The following RNF182 variants were observed in gnomAD, a reference collection of about 807,000 sequenced individuals.
The protein encoded by RNF182 is ring finger protein 182, also known as E3 ubiquitin-protein ligase RNF182.
RNF182 carries 15 observed loss-of-function variants against 14.4 expected under a neutral mutation model. The observed-to-expected ratio is 1.04, with a 90% CI of 0.70 to 1.60. The LOEUF (loss-of-function observed/expected upper bound fraction) is 1.60, where lower values mean the gene tolerates loss of function less well. Among genes scored for constraint, RNF182 ranks in the 40% most tolerant of loss-of-function variants. The pLI, the probability that RNF182 is intolerant of heterozygous loss-of-function variation, is 0.00. For synonymous variants in RNF182, 128 were observed against 122.9 expected (o/e 1.04, Z -0.27); for missense variants, 268 against 294.8 (o/e 0.91, Z 0.67).
intron 1 of RNF182, among the ~76,000 whole-genome samples, chr6:13,935,897 G>C (rs1287666573): frequency 1.3e-5 from 2 of 152,222 alleles, no homozygotes; most frequent in Admixed American, 1.3e-4. Context: ...AACTACTTGA[G>C]AGTGGGTAAT....
intron 1 of RNF182, among the ~76,000 whole-genome samples, chr6:13,931,278 G>T (rs1245072104): frequency 2.0e-5 from 3 of 152,176 alleles, no homozygotes; most frequent in African/African-American, 7.2e-5. Flanking sequence ...GATTGGAAAT[G>T]AACAAGGACA....
intron 1 of RNF182, among the ~76,000 whole-genome samples, chr6:13,960,610 A>G (rs1252863887): frequency 1.3e-5 from 2 of 151,568 alleles, no homozygotes; most frequent in Non-Finnish European, 2.9e-5. Context: ...ATTTTCAGCC[A>G]TGGCTTTGGG....
chr6:13,952,196 C>T (rs1759612538), intron 1 of RNF182, among the ~76,000 whole-genome samples: 1 of 152,146 alleles, frequency 6.6e-6, no homozygotes, highest in African/African-American at 2.4e-5. Context: ...GAAAGACCCA[C>T]CCAGTGCAGC....
rs1760455254 is a variant in RNF182 at position 13,980,120 on chromosome 6, CT to C, written c.*2260del. On this transcript the variant is annotated 3_prime_UTR_variant, in exon 3 of 3. Coordinates refer to ENST00000488300, the MANE Select transcript of RNF182 (RefSeq NM_152737.4). ...TCAGAAACGTTGGTTCAGCTAATGC[CT>C]TTATCATGCCCGTGAAGACTTCAGA... The C allele has an allele frequency of 6.6e-6, 1 of 152,610 alleles. No individual in the cohort carries two copies. Among genetic ancestry groups the C allele is most frequent in the African/African-American group, 2.4e-5 (1 of 41,416 alleles). The allele number at this position is 152,610 out of a possible 1,614,324, so 9.5% of individuals were successfully genotyped here. A position where few individuals can be genotyped will look rare whatever the true frequency, so the allele number is the denominator to read the frequency against.
intron 1 of RNF182, among the ~76,000 whole-genome samples, chr6:13,953,199 T>A (rs1759639321): frequency 6.6e-6 from 1 of 152,178 alleles, no homozygotes; most frequent in African/African-American, 2.4e-5. Context: ...ATGCAGCCAG[T>A]AGGTCTCAGC....
At chr6:13,927,405 CT>C (rs1758856811) in intron 1 of RNF182, among the ~76,000 whole-genome samples, 1 of 152,184 alleles carries the variant, frequency 6.6e-6, no homozygotes, top group African/African-American at 2.4e-5. Flanking sequence ...AGTCATCACT[CT>C]TGCTGATTCA....
chr6:13,974,629 A>C (rs1760278191), intron 2 of RNF182, among the ~76,000 whole-genome samples: 1 of 152,062 alleles, frequency 6.6e-6, no homozygotes, highest in African/African-American at 2.4e-5. Context: ...TGTTACTGCT[A>C]CTCTTCTAAT....
At chr6:13,973,623 C>G (rs953989592) in intron 1 of RNF182, among the ~76,000 whole-genome samples, 8 of 152,162 alleles carry the variant, frequency 5.3e-5, no homozygotes, top group Admixed American at 1.3e-4. Flanking sequence ...CATTCATTGT[C>G]TCTTGCCTGC....
chr6:13,935,400 A>T (rs1759082509), intron 1 of RNF182, among the ~76,000 whole-genome samples: 1 of 152,018 alleles, frequency 6.6e-6, no homozygotes, highest in Admixed American at 6.5e-5. Flanking sequence ...AGCATTTTCC[A>T]TATTTCACAC....
chr6:13,945,549 C>G (rs1286877756), intron 1 of RNF182, among the ~76,000 whole-genome samples: 1 of 152,104 alleles, frequency 6.6e-6, no homozygotes, highest in African/African-American at 2.4e-5. Context: ...AGCAACATGA[C>G]AACAACAACA....
At chr6:13,951,479 C>G (rs1759591026) in intron 1 of RNF182, among the ~76,000 whole-genome samples, 1 of 152,236 alleles carries the variant, frequency 6.6e-6, no homozygotes. Flanking sequence ...GAACATGCTT[C>G]TCTGATCCCA....
At chr6:13,964,162 C>T (rs890613868) in intron 1 of RNF182, among the ~76,000 whole-genome samples, 1 of 151,526 alleles carries the variant, frequency 6.6e-6, no homozygotes, top group African/African-American at 2.4e-5. Flanking sequence ...ACTTGAAAGG[C>T]ATTATTTAGG....
intron 1 of RNF182, among the ~76,000 whole-genome samples, chr6:13,926,792 T>TG (rs572483508): frequency 0.018 from 1,540 of 83,590 alleles, 15 homozygotes; most frequent in African/African-American, 0.055. Flanking sequence ...TGTGTGTGTG[T>TG]TTTTTTTTTT....
intron 1 of RNF182, among the ~76,000 whole-genome samples, chr6:13,966,991 C>T (rs2113638927): frequency 6.6e-6 from 1 of 152,112 alleles, no homozygotes; most frequent in South Asian, 2.1e-4. Context: ...CGTGCACCAC[C>T]ACGCCTGGCT....
At chr6:13,970,638 T>G (rs1760151849) in intron 1 of RNF182, among the ~76,000 whole-genome samples, 1 of 152,200 alleles carries the variant, frequency 6.6e-6, no homozygotes, top group South Asian at 2.1e-4. Context: ...GGTATTTCTA[T>G]TTTTAGTTTT....
At chr6:13,943,643 G>T (rs1759356040) in intron 1 of RNF182, among the ~76,000 whole-genome samples, 1 of 152,274 alleles carries the variant, frequency 6.6e-6, no homozygotes, top group South Asian at 2.1e-4. Flanking sequence ...CTCATTGTTA[G>T]TATCATTGTA....
intron 1 of RNF182, chr6:13,949,581 T>C (rs1759531894): frequency 2.3e-6 from 1 of 432,370 alleles, no homozygotes; most frequent in Non-Finnish European, 4.3e-6. Flanking sequence ...GATAAAATGA[T>C]GATGTCCTTC....
At chr6:13,940,410 G>T (rs1436221229) in intron 1 of RNF182, among the ~76,000 whole-genome samples, 1 of 152,136 alleles carries the variant, frequency 6.6e-6, no homozygotes, top group Non-Finnish European at 1.5e-5. Flanking sequence ...TTTTGTTTGA[G>T]AATTTGTCTA....
At chr6:13,971,405 A>C (rs1419804958) in intron 1 of RNF182, among the ~76,000 whole-genome samples, 2 of 152,124 alleles carry the variant, frequency 1.3e-5, no homozygotes, top group African/African-American at 4.8e-5. Flanking sequence ...TGAAATTGTG[A>C]GTCCATTAAC....
Sources: allele counts gnomAD v4.1 joint callset (sites outside exome capture counted in the v4.1 genomes callset), GRCh38; gene constraint gnomAD v4.1.1; transcripts MANE v1.5; gene names NCBI Gene and HGNC (gene_info 2026-07-23, HGNC 2026-07-21).